Variants in CDH18 observed in about 807,000 individuals in gnomAD.
CDH18 encodes cadherin-18.
Under a neutral mutation model 67.9 loss-of-function variants are expected in CDH18, and 31 were observed. The observed-to-expected ratio is 0.46, with a 90% CI of 0.34 to 0.62. The LOEUF is 0.62. Among genes scored for constraint, CDH18 ranks in the 20% least tolerant of loss-of-function variants. The probability of loss-of-function intolerance (pLI) is 0.01; values close to 1 mark genes in which losing one functional copy is unlikely to be tolerated. For missense variants in CDH18, 890 were observed against 975.5 expected (o/e 0.91, Z 1.17); for synonymous variants, 362 against 347.2 (o/e 1.04, Z -0.48).
intron 1 of CDH18, among the ~76,000 whole-genome samples, chr5:20,434,497 T>C (rs1432118801): frequency 1.3e-5 from 2 of 152,054 alleles, no homozygotes; most frequent in Non-Finnish European, 2.9e-5. Context: ...TGTGTGTATC[T>C]TGGTAACTGG....
At position 19,920,893 on chromosome 5, in the gene CDH18, G is replaced by GCGCACA. The variant is rs1554064294; in HGVS notation, c.-257+60166_-257+60167insTGTGCG. On this transcript the variant is annotated intron_variant, in intron 2 of 12. Coordinates refer to ENST00000382275, the MANE Select transcript of CDH18 (RefSeq NM_004934.5). The stretch of plus-strand genomic sequence containing the variant: ...ATTATATATATGTATACCCACAAGA[G>GCGCACA]CACACACACACACACACACACACAC... 1.1e-3 allele frequency among the ~76,000 whole-genome samples: 165 copies of GCGCACA among 146,208 alleles called. 2 individuals are homozygous for GCGCACA. The highest frequency in any genetic ancestry group is 3.7e-3 in the African/African-American group (146 of 39,398).
chr5:19,960,264 G>A (rs1176278096), intron 2 of CDH18, among the ~76,000 whole-genome samples: 3 of 151,898 alleles, frequency 2.0e-5, no homozygotes, highest in Non-Finnish European at 4.4e-5. Flanking sequence ...TTTTATAGCT[G>A]TATAAAATAT....
At chr5:20,015,178 A>G (rs1244957620) in intron 2 of CDH18, among the ~76,000 whole-genome samples, 2 of 152,158 alleles carry the variant, frequency 1.3e-5, no homozygotes, top group East Asian at 1.9e-4. Context: ...AGAAACAGAC[A>G]CATGGCCTAT....
intron 2 of CDH18, among the ~76,000 whole-genome samples, chr5:20,034,619 C>T (rs895059552): frequency 6.6e-6 from 1 of 152,024 alleles, no homozygotes; most frequent in African/African-American, 2.4e-5. Flanking sequence ...TTTCTTCAAG[C>T]TAGGACATCA....
intron 1 of CDH18, among the ~76,000 whole-genome samples, chr5:20,478,695 A>AG (rs1752598577): frequency 6.6e-6 from 1 of 151,392 alleles, no homozygotes; most frequent in Non-Finnish European, 1.5e-5. Flanking sequence ...CCTGAAGGGT[A>AG]GGACACAAGC....
intron 2 of CDH18, among the ~76,000 whole-genome samples, chr5:20,089,538 A>G (rs1399965802): frequency 6.6e-6 from 1 of 152,152 alleles, no homozygotes; most frequent in African/African-American, 2.4e-5. Context: ...ATTTTGACTT[A>G]GATAGATTAT....
chr5:19,665,689 T>C (rs1243009498), intron 5 of CDH18, among the ~76,000 whole-genome samples: 1 of 152,096 alleles, frequency 6.6e-6, no homozygotes, highest in Non-Finnish European at 1.5e-5. Flanking sequence ...AAGGGCATTC[T>C]TCTGGAAATG....
intron 3 of CDH18, among the ~76,000 whole-genome samples, chr5:19,804,314 A>T (rs1055092571): frequency 3.3e-5 from 5 of 150,854 alleles, no homozygotes; most frequent in African/African-American, 1.2e-4. Flanking sequence ...AAAAAAAAAA[A>T]TAAATAAAAT....
intron 8 of CDH18, among the ~76,000 whole-genome samples, chr5:19,565,507 T>G (rs567321927): frequency 6.6e-6 from 1 of 152,352 alleles, no homozygotes; most frequent in Non-Finnish European, 1.5e-5. Context: ...TACCCCCTAA[T>G]GCAGATATAG....
intron 10 of CDH18, among the ~76,000 whole-genome samples, chr5:19,512,388 C>T (rs1745264705): frequency 4.6e-5 from 7 of 152,044 alleles, no homozygotes; most frequent in Admixed American, 4.6e-4. Flanking sequence ...TTTTAATTTA[C>T]CAATTTTTAG....
chr5:19,807,368 T>C (rs922555942), intron 3 of CDH18, among the ~76,000 whole-genome samples: 38 of 152,228 alleles, frequency 2.5e-4, no homozygotes, highest in Non-Finnish European at 1.3e-4. Flanking sequence ...TACAGTGTTA[T>C]AATTTTATGG....
At chr5:20,499,113 C>T (rs1754084730) in intron 1 of CDH18, among the ~76,000 whole-genome samples, 2 of 151,938 alleles carry the variant, frequency 1.3e-5, no homozygotes, top group African/African-American at 4.8e-5. Context: ...TACATATACA[C>T]TCTCACACAC....
intron 1 of CDH18, among the ~76,000 whole-genome samples, chr5:20,259,922 A>AG (rs888469087): frequency 1.1e-4 from 17 of 152,018 alleles, no homozygotes; most frequent in African/African-American, 4.1e-4. Flanking sequence ...GGCCTTTCCA[A>AG]GTGGCAAGAG....
intron 2 of CDH18, among the ~76,000 whole-genome samples, chr5:20,093,119 C>T (rs1745585906): frequency 6.6e-6 from 1 of 151,990 alleles, no homozygotes; most frequent in East Asian, 1.9e-4. Flanking sequence ...CACCTGCATT[C>T]CCAACAACTT....
At chr5:20,146,588 CAAATCATAAGTACTG>C (rs1750662116) in intron 2 of CDH18, among the ~76,000 whole-genome samples, 2 of 147,036 alleles carry the variant, frequency 1.4e-5, no homozygotes, top group South Asian at 4.4e-4. Flanking sequence ...TAGTGTATGG[CAAATCATAAGTACTG>C]AAAACTAATT....
At chr5:20,286,298 C>A (rs1746691510) in intron 1 of CDH18, among the ~76,000 whole-genome samples, 1 of 151,504 alleles carries the variant, frequency 6.6e-6, no homozygotes, top group South Asian at 2.1e-4. Context: ...TGATTTGTTA[C>A]ACATAGCAGT....
At chr5:20,453,572 T>C (rs1258096560) in intron 1 of CDH18, among the ~76,000 whole-genome samples, 1 of 71,916 alleles carries the variant, frequency 1.4e-5, no homozygotes, top group Non-Finnish European at 3.4e-5. Context: ...TGTATATATA[T>C]ATGTGTGTGT....
chr5:20,178,555 T>C (rs79900542), intron 2 of CDH18, among the ~76,000 whole-genome samples: 4,817 of 150,862 alleles, frequency 0.032, 257 homozygotes, highest in African/African-American at 0.11. Context: ...ACTTCTTCAA[T>C]AATTAGTGTA....
chr5:20,192,799 T>A (rs1015000630), intron 2 of CDH18, among the ~76,000 whole-genome samples: 1 of 152,186 alleles, frequency 6.6e-6, no homozygotes, highest in Non-Finnish European at 1.5e-5. Context: ...CCTCCAGCTT[T>A]ATTCCTTTTG....
Sources: allele counts gnomAD v4.1 joint callset (sites outside exome capture counted in the v4.1 genomes callset), GRCh38; gene constraint gnomAD v4.1.1; transcripts MANE v1.5; gene names NCBI Gene and HGNC (gene_info 2026-07-23, HGNC 2026-07-21).